AGBL1: variants seen among roughly 807,000 people sequenced by gnomAD.
The protein encoded by AGBL1 is cytosolic carboxypeptidase 4.
A neutral mutation model predicts 118.9 loss-of-function variants in AGBL1; 130 were observed. That is an observed-to-expected ratio of 1.09 (90% confidence interval 0.95 to 1.26). AGBL1 has a LOEUF of 1.26. Ranked by LOEUF, AGBL1 falls within the 50% of genes most tolerant of loss-of-function variation. The probability of loss-of-function intolerance (pLI) is 0.00; values close to 1 mark genes in which losing one functional copy is unlikely to be tolerated. For synonymous variants in AGBL1, 555 were observed against 478.9 expected (o/e 1.16, Z -2.08); for missense variants, 1,584 against 1,298.1 (o/e 1.22, Z -3.38).
chr15:86,216,229 C>CATTTATTTATTTACTT (rs139839052), intron 5 of AGBL1, among the ~76,000 whole-genome samples: 1 of 150,562 alleles, frequency 6.6e-6, no homozygotes, highest in African/African-American at 2.4e-5. Context: ...AACTACATGC[C>CATTTATTTATTTACTT]ATTTATTTAT....
chr15:87,011,615 A>G (rs1381747138), intron 24 of AGBL1, among the ~76,000 whole-genome samples: 1 of 152,174 alleles, frequency 6.6e-6, no homozygotes, highest in Non-Finnish European at 1.5e-5. Flanking sequence ...TCATTATAGG[A>G]AAAAGGGATC....
At chr15:86,952,166 G>A (rs1227389795) in intron 23 of AGBL1, among the ~76,000 whole-genome samples, 2 of 151,412 alleles carry the variant, frequency 1.3e-5, no homozygotes, top group African/African-American at 2.4e-5. Context: ...AGCAGACAGA[G>A]TTTGCAGTGA....
At chr15:86,949,068 G>A (rs545126858) in intron 23 of AGBL1, among the ~76,000 whole-genome samples, 1 of 151,908 alleles carries the variant, frequency 6.6e-6, no homozygotes, top group East Asian at 1.9e-4. Context: ...AATAAAAACT[G>A]CAGAAAAAGT....
intron 23 of AGBL1, among the ~76,000 whole-genome samples, chr15:86,971,181 A>G (rs2081104642): frequency 6.6e-6 from 1 of 152,028 alleles, no homozygotes; most frequent in African/African-American, 2.4e-5. Flanking sequence ...CACTTTACCT[A>G]TTAGCTCTTC....
intron 22 of AGBL1, among the ~76,000 whole-genome samples, chr15:86,709,366 C>A (rs1016626079): frequency 6.6e-6 from 1 of 151,956 alleles, no homozygotes; most frequent in African/African-American, 2.4e-5. Context: ...GTGGGGAAGG[C>A]AGGGGAACAA....
At chr15:86,371,821 T>A (rs559284559) in intron 17 of AGBL1, among the ~76,000 whole-genome samples, 1 of 152,326 alleles carries the variant, frequency 6.6e-6, no homozygotes, top group South Asian at 2.1e-4. Flanking sequence ...CCACCCTTTG[T>A]AATGTGTTTT....
At chr15:86,080,488 A>C (rs1436573103) in intron 1 of AGBL1, among the ~76,000 whole-genome samples, 1 of 152,178 alleles carries the variant, frequency 6.6e-6, no homozygotes, top group Admixed American at 6.5e-5. Flanking sequence ...TTACATCAGA[A>C]TGGCCTGGGA....
At chr15:86,521,668 A>T (rs1003220495) in intron 18 of AGBL1, among the ~76,000 whole-genome samples, 1 of 152,156 alleles carries the variant, frequency 6.6e-6, no homozygotes, top group Non-Finnish European at 1.5e-5. Context: ...AGACCTATGT[A>T]TGATAAGATA....
At chr15:86,269,707 C>A (rs2079127029) in intron 13 of AGBL1, among the ~76,000 whole-genome samples, 1 of 152,116 alleles carries the variant, frequency 6.6e-6, no homozygotes. Context: ...GTAATTGACT[C>A]TTGTAATACT....
chr15:86,947,925 G>T (rs539497974), intron 23 of AGBL1, among the ~76,000 whole-genome samples: 1 of 152,044 alleles, frequency 6.6e-6, no homozygotes. Context: ...ACGGACATTA[G>T]GAGAAACATT....
intron 22 of AGBL1, among the ~76,000 whole-genome samples, chr15:86,731,494 C>T (rs549495270): frequency 1.9e-4 from 29 of 152,292 alleles, no homozygotes; most frequent in African/African-American, 6.5e-4. Context: ...TTTTAGCTGA[C>T]GGTTCAGGTG....
At chr15:86,326,843 T>A (rs2080191851) in intron 17 of AGBL1, among the ~76,000 whole-genome samples, 1 of 151,762 alleles carries the variant, frequency 6.6e-6, no homozygotes, top group Non-Finnish European at 1.5e-5. Context: ...TAGAAGGGGG[T>A]CAGAATAGAT....
chr15:86,808,223 C>T (rs569902835), intron 22 of AGBL1, among the ~76,000 whole-genome samples: 5 of 152,228 alleles, frequency 3.3e-5, no homozygotes, highest in African/African-American at 1.2e-4. Context: ...ATTCTCCATG[C>T]GTCTCAGTTG....
chr15:86,559,647 A>G (rs1382859375), intron 21 of AGBL1, among the ~76,000 whole-genome samples: 1 of 152,150 alleles, frequency 6.6e-6, no homozygotes, highest in Non-Finnish European at 1.5e-5. Flanking sequence ...CATGTCTGCT[A>G]TTGTACAACA....
intron 24 of AGBL1, among the ~76,000 whole-genome samples, chr15:86,991,836 T>C (rs2081338817): frequency 6.6e-6 from 1 of 152,166 alleles, no homozygotes; most frequent in Admixed American, 6.5e-5. Flanking sequence ...CTTTACTTCT[T>C]CCAAGGACTT....
intron 24 of AGBL1, among the ~76,000 whole-genome samples, chr15:86,995,054 C>T (rs2081367890): frequency 1.3e-5 from 2 of 152,064 alleles, no homozygotes; most frequent in African/African-American, 2.4e-5. Context: ...TTAATCCATT[C>T]TCTAGTCCTA....
chr15:86,317,198 A>C (rs557309060), intron 17 of AGBL1: 1 of 152,308 alleles, frequency 6.6e-6, no homozygotes, highest in African/African-American at 2.4e-5. Flanking sequence ...TGTCCACAAA[A>C]CACTTTGAAT....
intron 23 of AGBL1, among the ~76,000 whole-genome samples, chr15:86,978,511 A>G (rs2081197437): frequency 6.6e-6 from 1 of 152,230 alleles, no homozygotes; most frequent in Non-Finnish European, 1.5e-5. Flanking sequence ...GCAGCCCTAC[A>G]GCAAGGTAAA....
chr15:86,139,251 C>T (rs569084955), intron 1 of AGBL1, among the ~76,000 whole-genome samples: 2 of 152,126 alleles, frequency 1.3e-5, no homozygotes, highest in South Asian at 4.2e-4. Flanking sequence ...CTAGGGATCC[C>T]TAGGAGACTC....
Sources: gnomAD v4.1 joint callset for allele counts (sites outside exome capture counted in the v4.1 genomes callset) on GRCh38, gnomAD v4.1.1 for gene constraint, MANE v1.5 for transcripts, NCBI Gene and HGNC (gene_info 2026-07-23, HGNC 2026-07-21) for gene names.